Variants in ZNF267 observed in about 807,000 individuals in gnomAD.
ZNF267 encodes the protein zinc finger protein 267.
In ZNF267, 61 loss-of-function variants were observed where a neutral mutation model predicts 71.6. The ratio of observed to expected loss-of-function variants is 0.85; its 90% confidence interval spans 0.69 to 1.05. The LOEUF is 1.05. ZNF267 is among the 50% of genes least tolerant of loss of function. The pLI is 0.00. For synonymous variants in ZNF267, 288 were observed against 293.2 expected (o/e 0.98, Z 0.18); for missense variants, 852 against 870.0 (o/e 0.98, Z 0.26).
intron 1 of ZNF267, among the ~76,000 whole-genome samples, chr16:31,880,439 G>T (rs1005740719): frequency 6.6e-6 from 1 of 152,188 alleles, no homozygotes; most frequent in Non-Finnish European, 1.5e-5. Flanking sequence ...GTACCCAAGA[G>T]TCAGCTGATC....
Position 31,915,852 on chromosome 16 carries a change from C to G in ZNF267, c.1603C>G (p.Leu535Val). The G allele has an allele frequency of 6.2e-7, 1 of 1,613,646 alleles. No homozygotes were observed. Among genetic ancestry groups the G allele is most frequent in the South Asian group, 1.1e-5 (1 of 91,070 alleles). ...TAAACCTTTTACTTGTTTCTCAAATCTTATTGTGCATGAGAGAATTCATAC... is the reference window on the plus strand; with the variant it reads ...TAAACCTTTTACTTGTTTCTCAAATGTTATTGTGCATGAGAGAATTCATAC... ...CAKPFTCFSN[L>V]IVHERIHTGE... Residue 535 changes from leucine (L) to valine (V), a missense_variant, in exon 4 of 4, where the codon CTT becomes GTT. By Grantham distance (32) the Leu-to-Val change is conservative (BLOSUM62 1). Transcript: ENST00000300870.
chr16:31,897,556 C>G (rs992177474), intron 3 of ZNF267, among the ~76,000 whole-genome samples: 5 of 151,770 alleles, frequency 3.3e-5, no homozygotes, highest in African/African-American at 1.2e-4. Flanking sequence ...CTTTTTTTCC[C>G]CCCAAGATTG....
intron 3 of ZNF267, among the ~76,000 whole-genome samples, chr16:31,886,240 AT>A (rs1319301016): frequency 6.6e-6 from 1 of 152,192 alleles, no homozygotes; most frequent in Non-Finnish European, 1.5e-5. Context: ...TTAGATGCCA[AT>A]TTTTGTGTGT....
At chr16:31,900,757 C>CTTTTT (rs35863544) in intron 3 of ZNF267, among the ~76,000 whole-genome samples, 24 of 129,608 alleles carry the variant, frequency 1.9e-4, no homozygotes, top group Middle Eastern at 4.2e-3. Context: ...AGAATTCTTT[C>CTTTTT]TTTTTTTTTT....
intron 1 of ZNF267, among the ~76,000 whole-genome samples, chr16:31,883,419 T>C (rs1028872894): frequency 6.6e-6 from 1 of 152,222 alleles, no homozygotes; most frequent in Non-Finnish European, 1.5e-5. Flanking sequence ...TGTGCACATA[T>C]GCACATAAAA....
chr16:31,890,745 T>G (rs1277930120), intron 3 of ZNF267, among the ~76,000 whole-genome samples: 1 of 152,206 alleles, frequency 6.6e-6, no homozygotes, highest in Admixed American at 6.5e-5. Context: ...GAGAGCTCCC[T>G]TTTATAACAG....
intron 3 of ZNF267, among the ~76,000 whole-genome samples, chr16:31,894,102 C>T (rs1025255529): frequency 6.6e-6 from 1 of 152,212 alleles, no homozygotes; most frequent in African/African-American, 2.4e-5. Context: ...GGTCGACCAG[C>T]AAGGTCACAT....
intron 3 of ZNF267, among the ~76,000 whole-genome samples, chr16:31,902,669 T>C (rs1237812028): frequency 6.6e-6 from 1 of 152,246 alleles, no homozygotes; most frequent in African/African-American, 2.4e-5. Flanking sequence ...CTGAAGTTGC[T>C]TATCAGCTTA....
intron 3 of ZNF267, chr16:31,913,134 C>T (rs2084147701): frequency 6.6e-6 from 1 of 152,154 alleles, no homozygotes; most frequent in Admixed American, 6.5e-5. Flanking sequence ...TTTGTGTCCA[C>T]CCTTGTTGGG....
chr16:31,887,722 TC>T (rs1415446161), intron 3 of ZNF267, among the ~76,000 whole-genome samples: 1 of 152,154 alleles, frequency 6.6e-6, no homozygotes, highest in African/African-American at 2.4e-5. Flanking sequence ...GTTTTTGTAT[TC>T]TATTCCATTG....
At chr16:31,884,925 TG>T (rs1205526741) in intron 2 of ZNF267, among the ~76,000 whole-genome samples, 1 of 152,214 alleles carries the variant, frequency 6.6e-6, no homozygotes, top group Non-Finnish European at 1.5e-5. Context: ...CAGTCAGATT[TG>T]CAGAAGCTCA....
At chr16:31,902,530 A>C (rs947765942) in intron 3 of ZNF267, among the ~76,000 whole-genome samples, 1 of 151,940 alleles carries the variant, frequency 6.6e-6, no homozygotes, top group Non-Finnish European at 1.5e-5. Flanking sequence ...TTGGATTCCT[A>C]GGTATTTTAT....
chr16:31,889,998 A>G (rs1037732464), intron 3 of ZNF267, among the ~76,000 whole-genome samples: 4 of 152,188 alleles, frequency 2.6e-5, no homozygotes, highest in South Asian at 2.1e-4. Flanking sequence ...ACTTGATATA[A>G]TTTTAATCCT....
intron 3 of ZNF267, among the ~76,000 whole-genome samples, chr16:31,899,930 C>A (rs2084025871): frequency 6.6e-6 from 1 of 151,676 alleles, no homozygotes; most frequent in African/African-American, 2.4e-5. Flanking sequence ...TCTTAATTAC[C>A]TTTTTAGAAA....
intron 3 of ZNF267, chr16:31,894,588 G>A: frequency 2.0e-6 from 1 of 489,452 alleles, no homozygotes. Flanking sequence ...CCAGAGCTTT[G>A]TGCTGTTCAG....
Position 31,915,856 on chromosome 16 carries a change from T to C in ZNF267, c.1607T>C (p.Ile536Thr), listed in dbSNP as rs763192014. 1.5e-5 allele frequency: 24 copies of C among 1,613,340 alleles called. No homozygotes were observed. In the South Asian group the frequency reaches 2.0e-4, roughly 13 times the overall value. Residue 536 changes from isoleucine to threonine, a missense_variant, in exon 4 of 4, where the codon ATT (isoleucine) becomes ACT (threonine). Transcript: ENST00000300870. ...AKPFTCFSNLIVHERIHTGEK... is the reference protein window; with the variant it reads ...AKPFTCFSNLTVHERIHTGEK... ...CCTTTTACTTGTTTCTCAAATCTTA[T>C]TGTGCATGAGAGAATTCATACTGGA...
intron 3 of ZNF267, among the ~76,000 whole-genome samples, chr16:31,898,044 T>G (rs2084012678): frequency 6.6e-6 from 1 of 152,154 alleles, no homozygotes; most frequent in South Asian, 2.1e-4. Flanking sequence ...GTTTTGTTCG[T>G]TTTTGCATTA....
At position 31,916,819 on chromosome 16, in the gene ZNF267, G is replaced by A. The variant is rs895991904; in HGVS notation, c.*338G>A. ...AAGGAAGTTTGCAGATGCAATAAAT[G>A]TGAGGAAGTATTTAATAAAAAATGA... On this transcript the variant is annotated 3_prime_UTR_variant, in exon 4 of 4. Coordinates refer to ENST00000300870, the MANE Select transcript of ZNF267 (RefSeq NM_003414.6). The A allele has an allele frequency of 9.9e-6, 2 of 202,718 alleles. No homozygotes were observed. The highest frequency in any genetic ancestry group is 2.0e-5 in the Non-Finnish European group (2 of 99,360). The allele number at this position is 202,718 out of a possible 1,614,324, so 12.6% of individuals were successfully genotyped here.
intron 3 of ZNF267, among the ~76,000 whole-genome samples, chr16:31,905,361 G>A (rs1393143322): frequency 6.6e-6 from 1 of 152,164 alleles, no homozygotes; most frequent in African/African-American, 2.4e-5. Context: ...AGTTCTCCTG[G>A]ATAATATCCT....
Sources: allele counts gnomAD v4.1 joint callset (sites outside exome capture counted in the v4.1 genomes callset), GRCh38; gene constraint gnomAD v4.1.1; transcripts MANE v1.5; gene names NCBI Gene and HGNC (gene_info 2026-07-23, HGNC 2026-07-21).